SH3RF3: variants seen among roughly 807,000 people sequenced by gnomAD.
SH3RF3 encodes SH3 domain containing ring finger 3, also known as E3 ubiquitin-protein ligase SH3RF3.
A neutral mutation model predicts 66.3 loss-of-function variants in SH3RF3; 29 were observed. The observed-to-expected ratio is 0.44, with a 90% CI of 0.33 to 0.60. The LOEUF is 0.60. Among genes scored for constraint, SH3RF3 ranks in the 20% least tolerant of loss-of-function variants. The pLI, the probability that SH3RF3 is intolerant of heterozygous loss-of-function variation, is 0.04. For synonymous variants in SH3RF3, 583 were observed against 532.0 expected, an observed-to-expected ratio of 1.10 and a Z score of -1.32; for missense variants, 1,194 against 1,190.9, an observed-to-expected ratio of 1.00 and a Z score of -0.04.
At chr2:109,373,827 C>A (rs993541764) in intron 3 of SH3RF3, among the ~76,000 whole-genome samples, 20 of 152,192 alleles carry the variant, frequency 1.3e-4, no homozygotes, top group African/African-American at 4.8e-4. Context: ...ACCAAGGCAG[C>A]TGACAGTAGC....
intron 1 of SH3RF3, among the ~76,000 whole-genome samples, chr2:109,173,038 G>A (rs1296929053): frequency 6.6e-6 from 1 of 152,180 alleles, no homozygotes; most frequent in Non-Finnish European, 1.5e-5. Flanking sequence ...GGTCATCCCT[G>A]GGTGGTGGGA....
chr2:109,177,997 C>T (rs1677966630), intron 1 of SH3RF3, among the ~76,000 whole-genome samples: 1 of 152,084 alleles, frequency 6.6e-6, no homozygotes, highest in Non-Finnish European at 1.5e-5. Flanking sequence ...AAAATTAGAC[C>T]TAAACAAAGG....
intron 1 of SH3RF3, among the ~76,000 whole-genome samples, chr2:109,237,960 C>T (rs1422548390): frequency 6.6e-6 from 1 of 152,162 alleles, no homozygotes. Flanking sequence ...TATGACCACG[C>T]AATGGCTCAT....
At chr2:109,223,249 T>G (rs772297628) in intron 1 of SH3RF3, among the ~76,000 whole-genome samples, 1 of 151,882 alleles carries the variant, frequency 6.6e-6, no homozygotes, top group Non-Finnish European at 1.5e-5. Flanking sequence ...TAACCAGGAG[T>G]TGGCTGTTAC....
Position 109,473,936 on chromosome 2 carries a change from C to T in SH3RF3, c.2149-16669C>T, listed in dbSNP as rs558952823. Among the ~76,000 whole-genome samples, 22 of 152,274 alleles carry T rather than the reference C, an allele frequency of 1.4e-4. No individual in the cohort carries two copies. The East Asian group carries it at 2.1e-3, about 15-fold the overall frequency. ...TGTCATTACCCCTAGGGTAATGCTG[C>T]CCTCCCACAGGGGCAGAAAGTCTTT... is the stretch of plus-strand genomic sequence containing the variant. On this transcript the variant is annotated intron_variant, in intron 8 of 9. Coordinates refer to ENST00000309415, the MANE Select transcript of SH3RF3 (RefSeq NM_001099289.3).
At chr2:109,317,619 T>C (rs373149665) in intron 1 of SH3RF3, among the ~76,000 whole-genome samples, 3 of 152,200 alleles carry the variant, frequency 2.0e-5, no homozygotes, top group East Asian at 3.9e-4. Context: ...TTTCTGTGAC[T>C]TGCTGGGCCT....
At chr2:109,314,230 A>T (rs1167528415) in intron 1 of SH3RF3, among the ~76,000 whole-genome samples, 2 of 152,152 alleles carry the variant, frequency 1.3e-5, no homozygotes, top group Non-Finnish European at 2.9e-5. Flanking sequence ...GGTCATGTAT[A>T]TTTAATGCTG....
intron 7 of SH3RF3, among the ~76,000 whole-genome samples, chr2:109,438,403 C>T (rs916589774): frequency 6.6e-6 from 1 of 152,118 alleles, no homozygotes; most frequent in African/African-American, 2.4e-5. Flanking sequence ...CTTCAGGTGC[C>T]CAGTGTTCAG....
Position 109,234,488 on chromosome 2 carries a change from A to T in SH3RF3, c.573+104375A>T, listed in dbSNP as rs556857725. Among the ~76,000 whole-genome samples the T allele has an allele frequency of 3.3e-5, 5 of 152,386 alleles. No individual in the cohort carries two copies. The East Asian group carries it at 9.6e-4, about 29-fold the overall frequency. On this transcript the variant is annotated intron_variant, in intron 1 of 9. Transcript: ENST00000309415. ...GGGAACACTGGGCTAGAGAACACAC[A>T]TTCTTCTCAGCGAGTAGCTTGTATT...
chr2:109,425,478 A>G (rs1422405841), intron 5 of SH3RF3, among the ~76,000 whole-genome samples: 2 of 152,246 alleles, frequency 1.3e-5, no homozygotes, highest in Non-Finnish European at 2.9e-5. Context: ...AAAGCTTTAA[A>G]GGACAGGCAG....
intron 2 of SH3RF3, among the ~76,000 whole-genome samples, chr2:109,367,215 C>T (rs548689578): frequency 2.7e-5 from 4 of 150,768 alleles, no homozygotes; most frequent in Non-Finnish European, 2.9e-5. Flanking sequence ...CTGCCTACTT[C>T]GGCCTACCAA....
intron 6 of SH3RF3, among the ~76,000 whole-genome samples, chr2:109,435,112 C>G (rs574745227): frequency 6.6e-6 from 1 of 152,178 alleles, no homozygotes. Context: ...AATCTAGCCC[C>G]GGTAACTGCA....
rs796582925 is a variant in SH3RF3, at chr2:109,170,259, C to A, written c.573+40146C>A. Among the ~76,000 whole-genome samples the A allele has an allele frequency of 6.5e-5, 2 of 30,540 alleles. 1 individual carries two copies. The highest frequency in any genetic ancestry group is 0.026 in the Middle Eastern group (2 of 76). The allele number at this position is 30,540 out of a possible 152,430, so 20.0% of individuals were successfully genotyped here. A position where few individuals can be genotyped will look rare whatever the true frequency, so the allele number is the denominator to read the frequency against. ...CTTCTTTTCTTTTCTCTTCTCTTCT[C>A]TTCTCTTCTCTTCTCTTCTCTTCTC... is the stretch of plus-strand genomic sequence containing the variant. On this transcript the variant is annotated intron_variant, in intron 1 of 9. Transcript: ENST00000309415.
At chr2:109,177,162 A>G (rs1367843109) in intron 1 of SH3RF3, among the ~76,000 whole-genome samples, 2 of 152,204 alleles carry the variant, frequency 1.3e-5, no homozygotes, top group African/African-American at 4.8e-5. Context: ...CTTTACAGAC[A>G]CACTCAGCCC....
At chr2:109,429,354 CTAGGCTTATT>C (rs1402986281) in intron 5 of SH3RF3, among the ~76,000 whole-genome samples, 1 of 152,132 alleles carries the variant, frequency 6.6e-6, no homozygotes, top group African/African-American at 2.4e-5. Context: ...CAAAGTGAAG[CTAGGCTTATT>C]TACATTCCAG....
rs200914087 is a variant in SH3RF3, at chr2:109,347,707, T to C, written c.607T>C (p.Tyr203His). ...PCLLPYGKALYSYEGKEPGDL... is the reference protein window; with the variant it reads ...PCLLPYGKALHSYEGKEPGDL... ...CCTGCTTCCCTATGGCAAGGCCCTC[T>C]ACAGCTACGAGGGGAAGGAACCTGG... is the stretch of plus-strand genomic sequence containing the variant. The change falls in exon 2 of 10, where the codon TAC becomes CAC. Residue 203 changes from tyrosine to histidine, a missense_variant. Physicochemically the swap from Tyr to His is moderately conservative, Grantham distance 83 (BLOSUM62 2). Transcript: ENST00000309415. 1.9e-4 allele frequency: 302 copies of C among 1,613,866 alleles called. No homozygotes were observed. The African/African-American group carries it at 3.7e-3, about 20-fold the overall frequency.
At position 109,442,093 on chromosome 2, in the gene SH3RF3, C is replaced by T. The variant is rs180749630; in HGVS notation, c.1828+4947C>T. Reference sequence around the variant, plus strand: ...TTGGGAGGCTGAGACGGGTGGATCACGAGGTCAGGAGATTGAGACCATCCT... The same window carrying T: ...TTGGGAGGCTGAGACGGGTGGATCATGAGGTCAGGAGATTGAGACCATCCT... On this transcript the variant is annotated intron_variant, in intron 7 of 9. Coordinates refer to ENST00000309415, the MANE Select transcript of SH3RF3 (RefSeq NM_001099289.3). Among the ~76,000 whole-genome samples the T allele has an allele frequency of 3.2e-4, 48 of 152,122 alleles. No homozygotes were observed. The East Asian group carries it at 8.9e-3, about 28-fold the overall frequency.
rs1379335331 is a variant in SH3RF3, at chr2:109,449,228, C to T, written c.1887C>T (p.Arg629=). 1 of 1,613,388 alleles carries T rather than the reference C, an allele frequency of 6.2e-7. No individual in the cohort carries two copies. Among genetic ancestry groups the T allele is most frequent in the Non-Finnish European group, 8.5e-7 (1 of 1,179,768 alleles). ...DRPTATVSPL[R]TQNSPSRLPA... ...CAACTGCCACCGTGTCACCCCTGCGCACCCAGAACTCTCCATCCCGCCTGC... is the reference window on the plus strand; with the variant it reads ...CAACTGCCACCGTGTCACCCCTGCGTACCCAGAACTCTCCATCCCGCCTGC... Residue 629 remains arginine, a synonymous_variant, in exon 8 of 10, where the codon CGC becomes CGT. Coordinates refer to ENST00000309415, the MANE Select transcript of SH3RF3 (RefSeq NM_001099289.3).
intron 1 of SH3RF3, among the ~76,000 whole-genome samples, chr2:109,247,514 C>T (rs543945926): frequency 1.3e-5 from 2 of 152,296 alleles, no homozygotes; most frequent in East Asian, 3.9e-4. Flanking sequence ...TTAAGGCAGG[C>T]ATGGGTGGTC....
Sources: allele counts gnomAD v4.1 joint callset (sites outside exome capture counted in the v4.1 genomes callset), GRCh38; gene constraint gnomAD v4.1.1; transcripts MANE v1.5; gene names NCBI Gene and HGNC (gene_info 2026-07-23, HGNC 2026-07-21).